WWOX: variants seen among roughly 807,000 people sequenced by gnomAD.
The protein encoded by WWOX is WW domain containing oxidoreductase.
WWOX carries 69 observed loss-of-function variants against 46.2 expected under a neutral mutation model. The ratio of observed to expected loss-of-function variants is 1.49; its 90% CI spans 1.23 to 1.82. WWOX has a LOEUF of 1.82. WWOX is among the 40% of genes most tolerant of loss of function. The pLI is 0.00. For synonymous variants in WWOX, 359 were observed against 202.6 expected (o/e 1.77, Z -6.56); for missense variants, 919 against 542.6 (o/e 1.69, Z -6.89).
chr16:78,930,797 A>G (rs1019625452), intron 8 of WWOX, among the ~76,000 whole-genome samples: 8 of 152,102 alleles, frequency 5.3e-5, no homozygotes, highest in African/African-American at 1.7e-4. Flanking sequence ...TCCATCACAC[A>G]TATTTGCTGA....
chr16:79,031,877 T>TATG, intron 8 of WWOX, among the ~76,000 whole-genome samples: 1 of 50,674 alleles, frequency 2.0e-5, no homozygotes, highest in East Asian at 1.6e-3. Flanking sequence ...GATATCTATA[T>TATG]ACAGATATCT....
At chr16:78,486,305 G>A (rs914725425) in intron 8 of WWOX, among the ~76,000 whole-genome samples, 2 of 152,124 alleles carry the variant, frequency 1.3e-5, no homozygotes, top group Non-Finnish European at 2.9e-5. Flanking sequence ...GCACTATGCC[G>A]ACTAATAGAC....
chr16:78,755,601 C>A (rs942846497), intron 8 of WWOX, among the ~76,000 whole-genome samples: 7 of 152,166 alleles, frequency 4.6e-5, no homozygotes, highest in Non-Finnish European at 1.0e-4. Context: ...GTGCCACACA[C>A]CCACTGGGAT....
chr16:79,193,660 C>T (rs916261636), intron 8 of WWOX, among the ~76,000 whole-genome samples: 6 of 152,110 alleles, frequency 3.9e-5, no homozygotes, highest in African/African-American at 1.2e-4. Flanking sequence ...TTCTTACTGC[C>T]GGTCACCTAG....
chr16:78,794,105 A>G (rs1453409105), intron 8 of WWOX, among the ~76,000 whole-genome samples: 1 of 152,052 alleles, frequency 6.6e-6, no homozygotes, highest in Non-Finnish European at 1.5e-5. Context: ...TTGGGAGATG[A>G]TTTGGACATG....
intron 5 of WWOX, among the ~76,000 whole-genome samples, chr16:78,309,765 A>C (rs1210915477): frequency 6.6e-6 from 1 of 152,168 alleles, no homozygotes; most frequent in African/African-American, 2.4e-5. Context: ...AGAGAAATGA[A>C]AGGATGATGG....
chr16:78,892,144 T>C (rs1358749242), intron 8 of WWOX: 2 of 152,170 alleles, frequency 1.3e-5, no homozygotes, highest in African/African-American at 4.8e-5. Flanking sequence ...TTCATACTAA[T>C]TTTCTACTGG....
intron 8 of WWOX, among the ~76,000 whole-genome samples, chr16:78,976,953 G>C (rs549710640): frequency 1.3e-5 from 2 of 152,200 alleles, no homozygotes; most frequent in African/African-American, 2.4e-5. Context: ...GCTTAGATTT[G>C]ACACCTCTTT....
intron 8 of WWOX, among the ~76,000 whole-genome samples, chr16:78,835,141 G>T (rs2051943884): frequency 6.6e-6 from 1 of 152,122 alleles, no homozygotes; most frequent in African/African-American, 2.4e-5. Flanking sequence ...TGAATCCAGT[G>T]TATCTTGCTC....
chr16:78,587,563 C>T (rs2045243426), intron 8 of WWOX, among the ~76,000 whole-genome samples: 1 of 152,024 alleles, frequency 6.6e-6, no homozygotes, highest in Non-Finnish European at 1.5e-5. Flanking sequence ...GCTCACTGCC[C>T]TCCCCTGATT....
chr16:78,619,624 A>C (rs758165213), intron 8 of WWOX, among the ~76,000 whole-genome samples: 3 of 151,638 alleles, frequency 2.0e-5, no homozygotes, highest in African/African-American at 4.8e-5. Context: ...AACCATGTGA[A>C]TTGGGCGTGG....
At chr16:79,177,345 T>C (rs1451640716) in intron 8 of WWOX, among the ~76,000 whole-genome samples, 1 of 150,598 alleles carries the variant, frequency 6.6e-6, no homozygotes, top group Non-Finnish European at 1.5e-5. Flanking sequence ...GTTAAAGTAC[T>C]GTACTTGTCA....
chr16:78,999,017 C>G (rs2047043326), intron 8 of WWOX, among the ~76,000 whole-genome samples: 1 of 152,192 alleles, frequency 6.6e-6, no homozygotes, highest in Non-Finnish European at 1.5e-5. Context: ...CTTCTAGGAA[C>G]CAAATGGCTG....
At chr16:78,385,396 C>T (rs544688765) in intron 5 of WWOX, among the ~76,000 whole-genome samples, 2 of 152,300 alleles carry the variant, frequency 1.3e-5, no homozygotes, top group South Asian at 4.1e-4. Flanking sequence ...AATTTGTCTT[C>T]CAGACAGGAT....
rs548901281 is a variant in WWOX, at chr16:78,233,269, T to G, written c.516+68980T>G. ...TTCATCTCTGTTCAAGGTATGCCTTTTCCAATCATAATAGCCACGTAGAGG... is the reference window on the plus strand; with the variant it reads ...TTCATCTCTGTTCAAGGTATGCCTTGTCCAATCATAATAGCCACGTAGAGG... On this transcript the variant is annotated intron_variant, in intron 5 of 8. Transcript: ENST00000566780. Among the ~76,000 whole-genome samples the G allele has an allele frequency of 6.7e-4, 102 of 152,072 alleles. 1 individual carries two copies. Among genetic ancestry groups the G allele is most frequent in the Middle Eastern group, 3.4e-3 (1 of 292 alleles).
In WWOX at chr16:78,508,386, C is replaced by T. The variant is rs376661917; in HGVS notation, c.1056+75634C>T. 1.4e-4 allele frequency among the ~76,000 whole-genome samples: 19 copies of T among 139,872 alleles called. No individual in the cohort carries two copies. The East Asian group carries it at 2.7e-3, about 20-fold the overall frequency. 91.8% of individuals were successfully genotyped at this position (139,872 alleles called of 152,430 possible). A position where few individuals can be genotyped will look rare whatever the true frequency, so the allele number is the denominator to read the frequency against. On this transcript the variant is annotated intron_variant, in intron 8 of 8. Coordinates refer to ENST00000566780, the MANE Select transcript of WWOX (RefSeq NM_016373.4). ...AGTGTTAGTGTAGTTTATGCGTGGC[C>T]GAAGACAATTCTTCCTCCACTGTGG...
intron 8 of WWOX, among the ~76,000 whole-genome samples, chr16:78,665,272 G>C (rs918944922): frequency 6.6e-6 from 1 of 152,174 alleles, no homozygotes; most frequent in Non-Finnish European, 1.5e-5. Flanking sequence ...CACATCCTAA[G>C]GGAGTGTAGA....
rs542760028 is a variant in WWOX at position 78,861,754 on chromosome 16, G to C, written c.1057-349854G>C. On this transcript the variant is annotated intron_variant, in intron 8 of 8. Transcript: ENST00000566780. Reference sequence around the variant, plus strand: ...AACCTTTAACTCATTTCCTTCTTTTGATTTTTCAAAAGTTGGTTGAATAGT... The same window carrying C: ...AACCTTTAACTCATTTCCTTCTTTTCATTTTTCAAAAGTTGGTTGAATAGT... Among the ~76,000 whole-genome samples the C allele has an allele frequency of 5.3e-5, 8 of 152,090 alleles. No individual in the cohort carries two copies. In the South Asian group the frequency reaches 1.7e-3, roughly 32 times the overall value.
intron 8 of WWOX, among the ~76,000 whole-genome samples, chr16:79,035,779 T>A (rs2550691): frequency 0.62 from 94,526 of 151,560 alleles, 29,828 homozygotes; most frequent in East Asian, 0.85. Flanking sequence ...TCTCAGGTGT[T>A]CCAAGAACAA....
Sources: allele counts gnomAD v4.1 joint callset (sites outside exome capture counted in the v4.1 genomes callset), GRCh38; gene constraint gnomAD v4.1.1; transcripts MANE v1.5; gene names NCBI Gene and HGNC (gene_info 2026-07-23, HGNC 2026-07-21).